Variants in GNA12 observed in about 807,000 individuals in gnomAD.
GNA12 encodes the protein G protein subunit alpha 12, also known as guanine nucleotide-binding protein subunit alpha-12.
GNA12 carries 9 observed loss-of-function variants against 26.0 expected under a neutral mutation model. That is an observed-to-expected ratio of 0.35 (90% CI 0.21 to 0.60). GNA12 has a LOEUF of 0.60. Among genes scored for constraint, GNA12 ranks in the 20% least tolerant of loss-of-function variants. GNA12 has a pLI of 0.78. For missense variants in GNA12, 405 were observed against 525.8 expected (o/e 0.77, Z 2.25); for synonymous variants, 264 against 219.6 (o/e 1.20, Z -1.79).
intron 2 of GNA12, among the ~76,000 whole-genome samples, chr7:2,739,417 G>C (rs574566297): frequency 6.6e-6 from 1 of 152,122 alleles, no homozygotes; most frequent in Non-Finnish European, 1.5e-5. Flanking sequence ...TACTTGGTGC[G>C]GCATTTCCGA....
intron 1 of GNA12, among the ~76,000 whole-genome samples, chr7:2,800,343 G>C (rs1361597246): frequency 6.6e-6 from 1 of 152,242 alleles, no homozygotes; most frequent in African/African-American, 2.4e-5. Context: ...GACAGGGGGA[G>C]AAGTGACTAG....
At chr7:2,791,532 G>T (rs908474357) in intron 2 of GNA12, among the ~76,000 whole-genome samples, 5 of 152,146 alleles carry the variant, frequency 3.3e-5, no homozygotes, top group African/African-American at 4.8e-5. Flanking sequence ...GAAAAAGCAA[G>T]ACGGCAGAGG....
At chr7:2,768,444 A>T (rs960737202) in intron 2 of GNA12, among the ~76,000 whole-genome samples, 1 of 152,204 alleles carries the variant, frequency 6.6e-6, no homozygotes, top group African/African-American at 2.4e-5. Flanking sequence ...CAGAGAACTC[A>T]GAAAAACACT....
rs76700584 is a variant in GNA12, at chr7:2,827,024, G to A, written c.309+16829C>T. On this transcript the variant is annotated intron_variant, in intron 1 of 3. Transcript: ENST00000275364. The stretch of plus-strand genomic sequence containing the variant: ...ACTCACAGGGGAAAACTGGTGTGGG[G>A]GAGGCAGGCAGTATGTGGGAAATCT... Among the ~76,000 whole-genome samples, 784 of 152,278 alleles carry A rather than the reference G, an allele frequency of 5.1e-3. 7 individuals are homozygous for A. Among genetic ancestry groups the A allele is most frequent in the African/African-American group, 0.018 (741 of 41,554 alleles).
At chr7:2,831,498 G>C (rs1778657211) in intron 1 of GNA12, among the ~76,000 whole-genome samples, 1 of 150,252 alleles carries the variant, frequency 6.7e-6, no homozygotes, top group Non-Finnish European at 1.5e-5. Flanking sequence ...ACACCTCCCG[G>C]GTTCACGCCA....
chr7:2,731,654 T>A lies in GNA12; in HGVS notation c.673A>T (p.Met225Leu), dbSNP rs769392159. The A allele has an allele frequency of 6.2e-7, 1 of 1,612,744 alleles. No individual in the cohort carries two copies. ...DFVIKKIPFK[M>L]VDVGGQRSQR... is the part of the protein sequence containing the mutation. ...GACCGCTGGCCGCCCACATCCACCA[T>A]CTTAAAGGGGATCTTCTTAATAACG... is the stretch of plus-strand genomic sequence containing the variant. Residue 225 changes from methionine (M) to leucine (L), a missense_variant, in exon 4 of 4, where the codon ATG (methionine) becomes TTG (leucine). Transcript: ENST00000275364. This position sits in a 1 kb window ranked among gnomAD's most constrained non-coding sequence, Gnocchi z 6.0.
chr7:2,743,462 C>T (rs1790607895), intron 2 of GNA12, among the ~76,000 whole-genome samples: 1 of 152,164 alleles, frequency 6.6e-6, no homozygotes, highest in Non-Finnish European at 1.5e-5. Flanking sequence ...GATGGCTTGA[C>T]ACAGACTTTA....
chr7:2,761,830 A>G (rs1224287408), intron 2 of GNA12, among the ~76,000 whole-genome samples: 1 of 152,238 alleles, frequency 6.6e-6, no homozygotes, highest in East Asian at 1.9e-4. Context: ...CATACCCTGG[A>G]TAGTGCTGAG....
chr7:2,764,796 C>T (rs929388454), intron 2 of GNA12: 6 of 152,236 alleles, frequency 3.9e-5, no homozygotes, highest in South Asian at 4.1e-4. Context: ...CAGCGTGAGC[C>T]GGCGGACCCT....
chr7:2,757,580 C>G (rs1301541964), intron 2 of GNA12, among the ~76,000 whole-genome samples: 1 of 152,204 alleles, frequency 6.6e-6, no homozygotes, highest in East Asian at 1.9e-4. Flanking sequence ...CTGCGAGGTT[C>G]CGAGCAGAGC....
chr7:2,788,829 T>G (rs1371339939), intron 2 of GNA12, among the ~76,000 whole-genome samples: 1 of 152,186 alleles, frequency 6.6e-6, no homozygotes, highest in Non-Finnish European at 1.5e-5. Flanking sequence ...CCCTTTTTTT[T>G]TCTGACAGGG....
In GNA12 at chr7:2,779,006, T is replaced by C. The variant is rs529957659; in HGVS notation, c.525+15922A>G. On this transcript the variant is annotated intron_variant, in intron 2 of 3. Transcript: ENST00000275364. ...TTTCAGGAATAATACATAAACTTTA[T>C]GGGAGGCCGAGGCAAGAAGACTGCT... Among the ~76,000 whole-genome samples, 39 of 152,316 alleles carry C rather than the reference T, an allele frequency of 2.6e-4. No individual in the cohort carries two copies. The South Asian group carries it at 7.7e-3, about 30-fold the overall frequency.
rs149592556 is a variant in GNA12, at chr7:2,771,518, C to T, written c.525+23410G>A. On this transcript the variant is annotated intron_variant, in intron 2 of 3. Coordinates refer to ENST00000275364, the MANE Select transcript of GNA12 (RefSeq NM_007353.3). The stretch of plus-strand genomic sequence containing the variant: ...GCATCTATCCCTCCATGTTGGTCTG[C>T]ATATTCTAGATTCTCATGTAAGTCA... Among the ~76,000 whole-genome samples the T allele has an allele frequency of 8.5e-5, 13 of 152,262 alleles. 1 individual carries two copies. In the East Asian group the frequency reaches 2.5e-3, roughly 29 times the overall value.
chr7:2,771,030 C>T (rs569100186), intron 2 of GNA12, among the ~76,000 whole-genome samples: 1 of 152,324 alleles, frequency 6.6e-6, no homozygotes, highest in African/African-American at 2.4e-5. Flanking sequence ...GTGGCTCACA[C>T]CTGTAATCCC....
Position 2,797,544 on chromosome 7 carries a change from T to C in GNA12, c.310-2401A>G, listed in dbSNP as rs537119176. On this transcript the variant is annotated intron_variant, in intron 1 of 3. Transcript: ENST00000275364. ...AGTGTACAACTTAATGATTTTTAGT[T>C]GGCACTTATCCTAAAAATCTTCATT... Among the ~76,000 whole-genome samples the C allele has an allele frequency of 2.0e-4, 30 of 152,276 alleles. No homozygotes were observed. In the South Asian group the frequency reaches 5.8e-3, roughly 29 times the overall value.
At chr7:2,812,957 G>C (rs1423111039) in intron 1 of GNA12, among the ~76,000 whole-genome samples, 3 of 152,100 alleles carry the variant, frequency 2.0e-5, no homozygotes, top group Non-Finnish European at 2.9e-5. Context: ...AAAATTTTAT[G>C]TTTAGAGACA....
chr7:2,744,369 G>A (rs192292032), intron 2 of GNA12, among the ~76,000 whole-genome samples: 3,602 of 152,240 alleles, frequency 0.024, 99 homozygotes, highest in Middle Eastern at 0.075. Flanking sequence ...ACCAATATCC[G>A]CTGTTCTGCA....
intron 2 of GNA12, among the ~76,000 whole-genome samples, chr7:2,752,725 T>A (rs976585713): frequency 1.8e-4 from 28 of 152,340 alleles, no homozygotes; most frequent in African/African-American, 6.7e-4. Context: ...ACGTGAATTT[T>A]TTTTTGCCGT....
At chr7:2,778,654 T>C (rs1318319456) in intron 2 of GNA12, among the ~76,000 whole-genome samples, 2 of 152,138 alleles carry the variant, frequency 1.3e-5, no homozygotes, top group East Asian at 1.9e-4. Flanking sequence ...AAATTCAAAA[T>C]CAGAGAGCCA....
Sources: gnomAD v4.1 joint callset for allele counts (sites outside exome capture counted in the v4.1 genomes callset) on GRCh38, gnomAD v4.1.1 for gene constraint, Gnocchi (gnomAD v3.1) non-coding constraint, MANE v1.5 for transcripts, NCBI Gene and HGNC (gene_info 2026-07-23, HGNC 2026-07-21) for gene names.